CXCL16: variants seen among roughly 807,000 people sequenced by gnomAD.
The protein encoded by CXCL16 is C-X-C motif chemokine ligand 16, also known as C-X-C motif chemokine 16.
A neutral mutation model predicts 23.8 loss-of-function variants in CXCL16; 18 were observed. The observed-to-expected ratio is 0.76, with a 90% confidence interval of 0.52 to 1.12. The LOEUF (loss-of-function observed/expected upper bound fraction) is 1.12, where lower values mean the gene tolerates loss of function less well. Ranked by LOEUF, CXCL16 falls within the 50% of genes most tolerant of loss-of-function variation. The pLI is 0.00. For missense variants in CXCL16, 297 were observed against 315.4 expected (o/e 0.94, Z 0.44); for synonymous variants, 123 against 132.5 (o/e 0.93, Z 0.49).
chr17:4,736,751 A>G (rs978651654), intron 3 of CXCL16, among the ~76,000 whole-genome samples: 5 of 152,222 alleles, frequency 3.3e-5, no homozygotes, highest in Admixed American at 6.5e-5. Context: ...TAATGGTTGT[A>G]TATTTATTTT....
chr17:4,734,932 C>T lies in CXCL16; in HGVS notation c.718+160G>A, dbSNP rs117790604. On this transcript the variant is annotated intron_variant, in intron 4 of 5. Coordinates refer to ENST00000293778, the MANE Select transcript of CXCL16 (RefSeq NM_001386809.1). The stretch of plus-strand genomic sequence containing the variant: ...TTCCCTCTCCACTGTCTACAGTCCC[C>T]GACTGACTGTCCTCAGAGGGCCCAG... 1.2e-3 allele frequency among the ~76,000 whole-genome samples: 189 copies of T among 152,304 alleles called. 1 individual carries two copies. The East Asian group carries it at 0.028, about 23-fold the overall frequency.
intron 3 of CXCL16, among the ~76,000 whole-genome samples, chr17:4,737,904 G>A (rs1427929142): frequency 2.0e-5 from 3 of 151,032 alleles, no homozygotes. Flanking sequence ...GGCCGAGGCG[G>A]GTGGATCACA....
intron 4 of CXCL16, 139 bp downstream of exon 4, chr17:4,734,953 C>A (rs1195960646): frequency 1.4e-5 from 12 of 831,904 alleles, no homozygotes; most frequent in Middle Eastern, 3.6e-4. Context: ...CCTCAGAGGG[C>A]CCAGAGTCAA....
At chr17:4,735,644 A>C in intron 3 of CXCL16, 136 bp from the exon 4 acceptor site, 2 of 503,500 alleles carry the variant, frequency 4.0e-6, no homozygotes, top group Non-Finnish European at 6.5e-6. Flanking sequence ...ATAAATAAAA[A>C]ACATTAACAA....
rs561871654 is a variant in CXCL16, at chr17:4,739,534, C to G, written c.-195G>C. ...CCGACCGTGCGCTCAGTACTCGGCCCGCGCCATGCCAGCCTCTGGACGCAG... is the reference window on the plus strand; with the variant it reads ...CCGACCGTGCGCTCAGTACTCGGCCGGCGCCATGCCAGCCTCTGGACGCAG... On this transcript the variant is annotated 5_prime_UTR_variant, in exon 1 of 6. Transcript: ENST00000293778. This position sits in a 1 kb window ranked among gnomAD's most constrained non-coding sequence, Gnocchi z 5.3. The G allele has an allele frequency of 5.3e-5, 42 of 794,464 alleles. No homozygotes were observed. The highest frequency in any genetic ancestry group is 2.2e-4 in the Admixed American group (7 of 31,484). 49.2% of individuals were successfully genotyped at this position (794,464 alleles called of 1,614,324 possible). A position where few individuals can be genotyped will look rare whatever the true frequency, so the allele number is the denominator to read the frequency against.
chr17:4,738,405 C>T lies in CXCL16; in HGVS notation c.301+3G>A, dbSNP rs777528672. Reference sequence around the variant, plus strand: ...AGCCTGAAGAGCAGTGGAAAAGTCTCACCTTTGAGATCAAGACAGCTCATC... The same window carrying T: ...AGCCTGAAGAGCAGTGGAAAAGTCTTACCTTTGAGATCAAGACAGCTCATC... On this transcript the variant is annotated splice_donor_region_variant and intron_variant, in intron 3 of 5. Coordinates refer to ENST00000293778, the MANE Select transcript of CXCL16 (RefSeq NM_001386809.1). This position sits in a 1 kb window ranked among gnomAD's most constrained non-coding sequence, Gnocchi z 4.0. 20 of 1,612,322 alleles carry T rather than the reference C, an allele frequency of 1.2e-5. No homozygotes were observed. The highest frequency in any genetic ancestry group is 5.0e-5 in the Admixed American group (3 of 59,992).
At chr17:4,735,544 G>A (rs1418810364) in intron 3 of CXCL16, 36 bp from the exon 4 acceptor site, 2 of 1,475,634 alleles carry the variant, frequency 1.4e-6, no homozygotes, top group Admixed American at 4.8e-5. Flanking sequence ...AGGACTATCA[G>A]GAGACAAGGT....
chr17:4,735,933 C>T (rs1163046550), intron 3 of CXCL16, among the ~76,000 whole-genome samples: 3 of 152,116 alleles, frequency 2.0e-5, no homozygotes, highest in Admixed American at 2.0e-4. Flanking sequence ...ATTAGCCAGG[C>T]ATGGTGTCAT....
At chr17:4,735,057 G>A (rs745879232) in intron 4 of CXCL16, 35 bp downstream of exon 4, 3 of 1,569,540 alleles carry the variant, frequency 1.9e-6, no homozygotes, top group Admixed American at 1.8e-5. Context: ...GAAGGCTCTG[G>A]GTCCCTGGGG....
At position 4,739,608 on chromosome 17, in the gene CXCL16, C is replaced by T. The variant is rs1473830100; in HGVS notation, c.-269G>A. ...CCGCGCCCTGCGCCCCCGCACTGGG[C>T]CCGGCTCCGTCGAGGGAAGGCCAGG... On this transcript the variant is annotated 5_prime_UTR_variant, in exon 1 of 6. Transcript: ENST00000293778. The surrounding 1 kb of genome is among the most constrained non-coding windows in gnomAD (Gnocchi z 5.3). 4.5e-6 allele frequency: 3 copies of T among 664,476 alleles called. No homozygotes were observed. Among genetic ancestry groups the T allele is most frequent in the Non-Finnish European group, 7.1e-6 (3 of 421,066 alleles). 41.2% of individuals were successfully genotyped at this position (664,476 alleles called of 1,614,324 possible).
chr17:4,735,301 G>C lies in CXCL16; in HGVS notation c.509C>G (p.Thr170Ser). The C allele has an allele frequency of 6.2e-7, 1 of 1,614,110 alleles. No homozygotes were observed. The highest frequency in any genetic ancestry group is 8.5e-7 in the Non-Finnish European group (1 of 1,179,980). Residue 170 changes from threonine to serine, a missense_variant, in exon 4 of 6, where the codon ACC (threonine) becomes AGC (serine). Coordinates refer to ENST00000293778, the MANE Select transcript of CXCL16 (RefSeq NM_001386809.1). ...ACTGTGGCCCGCAGTGTGAATGGTG[G>C]TTTCATTGGGACGAGTGAGCTCTTT... is the stretch of plus-strand genomic sequence containing the variant. ...SDKELTRPNE[T>S]TIHTAGHSLA... is the part of the protein sequence containing the mutation.
rs890739280 is a variant in CXCL16 at position 4,738,007 on chromosome 17, G to A, written c.301+401C>T. 6.7e-6 allele frequency among the ~76,000 whole-genome samples: 1 copy of A among 148,472 alleles called. No individual in the cohort carries two copies. Among genetic ancestry groups the A allele is most frequent in the African/African-American group, 2.4e-5 (1 of 41,150 alleles). On this transcript the variant is annotated intron_variant, in intron 3 of 5. Coordinates refer to ENST00000293778, the MANE Select transcript of CXCL16 (RefSeq NM_001386809.1). This position sits in a 1 kb window ranked among gnomAD's most constrained non-coding sequence, Gnocchi z 4.0. ...TAGCCAGGCTTGGTGGTGCGCGCCT[G>A]TAATCCCAGCTACTCAGGAGGCTGA...
intron 4 of CXCL16, among the ~76,000 whole-genome samples, 162 bp downstream of exon 4, chr17:4,734,930 C>T (rs902864085): frequency 2.6e-5 from 4 of 152,168 alleles, no homozygotes; most frequent in African/African-American, 9.7e-5. Context: ...GTCTACAGTC[C>T]CCGACTGACT....
chr17:4,739,511 G>C lies in CXCL16; in HGVS notation c.-172C>G. 1 of 977,562 alleles carries C rather than the reference G, an allele frequency of 1.0e-6. No homozygotes were observed. The allele number at this position is 977,562 out of a possible 1,614,324, so 60.6% of individuals were successfully genotyped here. A position where few individuals can be genotyped will look rare whatever the true frequency, so the allele number is the denominator to read the frequency against. On this transcript the variant is annotated 5_prime_UTR_variant, in exon 1 of 6. Transcript: ENST00000293778. This position sits in a 1 kb window ranked among gnomAD's most constrained non-coding sequence, Gnocchi z 5.3. ...GCACCCCCCGGCCCTGCTGTGCCCC[G>C]ACCGTGCGCTCAGTACTCGGCCCGC... is the stretch of plus-strand genomic sequence containing the variant.
chr17:4,738,348 G>A lies in CXCL16; in HGVS notation c.301+60C>T. ...GGAAAAGGCTCAGGTAAAGAAAACT[G>A]TCAGGTGGAAGCTGCTAAGCCCTGG... On this transcript the variant is annotated intron_variant, in intron 3 of 5. Transcript: ENST00000293778. The surrounding 1 kb of genome is among the most constrained non-coding windows in gnomAD (Gnocchi z 4.0). 1 of 1,336,120 alleles carries A rather than the reference G, an allele frequency of 7.5e-7. No homozygotes were observed. Among genetic ancestry groups the A allele is most frequent in the South Asian group, 1.2e-5 (1 of 84,996 alleles). 82.8% of individuals were successfully genotyped at this position (1,336,120 alleles called of 1,614,324 possible). A position where few individuals can be genotyped will look rare whatever the true frequency, so the allele number is the denominator to read the frequency against.
At chr17:4,735,872 G>A (rs148886386) in intron 3 of CXCL16, among the ~76,000 whole-genome samples, 3 of 152,164 alleles carry the variant, frequency 2.0e-5, no homozygotes, top group East Asian at 1.9e-4. Flanking sequence ...TCGGGAGTTC[G>A]AGACCAGTCT....
rs1411312128 is a variant in CXCL16, at chr17:4,739,318, C to T, written c.22G>A (p.Gly8Arg). Residue 8 changes from glycine to arginine, a missense_variant, in exon 1 of 6, where the codon GGG (glycine) becomes AGG (arginine). Physicochemically the swap from Gly to Arg is moderately radical, Grantham distance 125. Coordinates refer to ENST00000293778, the MANE Select transcript of CXCL16 (RefSeq NM_001386809.1). The surrounding 1 kb of genome is among the most constrained non-coding windows in gnomAD (Gnocchi z 5.3). ...AGCAGGAGCAGGAGCACGCGGGACC[C>T]GGGCCGCAAGTCCCGTCCCATCTCG... MGRDLRPGSRVLLLLLLL... is the reference protein window; with the variant it reads MGRDLRPRSRVLLLLLLL... The T allele has an allele frequency of 1.2e-6, 2 of 1,612,528 alleles. No homozygotes were observed. The highest frequency in any genetic ancestry group is 2.7e-5 in the African/African-American group (2 of 74,910).
At position 4,739,146 on chromosome 17, in the gene CXCL16, C is replaced by T. The variant is rs887231230; in HGVS notation, c.79+115G>A. The T allele has an allele frequency of 6.5e-6, 9 of 1,390,376 alleles. No individual in the cohort carries two copies. The highest frequency in any genetic ancestry group is 1.4e-5 in the African/African-American group (1 of 69,586). The allele number at this position is 1,390,376 out of a possible 1,614,324, so 86.1% of individuals were successfully genotyped here. A position where few individuals can be genotyped will look rare whatever the true frequency, so the allele number is the denominator to read the frequency against. ...CAACCCCAGGCGGCTGGCTGGCTTT[C>T]CTCTTGTCCCCGCTGCCTTCATCCA... On this transcript the variant is annotated intron_variant, in intron 1 of 5. Transcript: ENST00000293778. The surrounding 1 kb of genome is among the most constrained non-coding windows in gnomAD (Gnocchi z 5.3).
rs568508459 is a variant in CXCL16 at position 4,735,339 on chromosome 17, T to C, written c.471A>G (p.Ser157=). 849 of 1,609,452 alleles carry C rather than the reference T, an allele frequency of 5.3e-4. 9 individuals are homozygous for C. In the South Asian group the frequency reaches 8.4e-3, roughly 16 times the overall value. The change falls in exon 4 of 6, where the codon TCA becomes TCG. Residue 157 remains serine (S), a synonymous_variant. Coordinates refer to ENST00000293778, the MANE Select transcript of CXCL16 (RefSeq NM_001386809.1). ...GAGTGAGCTCTTTGTCCGAGGACAG[T>C]GATCCTACTGGGAGGGTGGGGCGCT... is the stretch of plus-strand genomic sequence containing the variant. The part of the protein sequence containing the change: ...STQRPTLPVG[S]LSSDKELTRP...
Sources: gnomAD v4.1 joint callset for allele counts (sites outside exome capture counted in the v4.1 genomes callset) on GRCh38, gnomAD v4.1.1 for gene constraint, Gnocchi (gnomAD v3.1) non-coding constraint, MANE v1.5 for transcripts, NCBI Gene and HGNC (gene_info 2026-07-23, HGNC 2026-07-21) for gene names.